Variants in CALB1 observed in about 807,000 individuals in gnomAD.
The protein encoded by CALB1 is calbindin.
In CALB1, 16 loss-of-function variants were observed where a neutral mutation model predicts 46.7. The observed-to-expected ratio is 0.34, with a 90% CI of 0.23 to 0.52. CALB1 has a LOEUF of 0.52. Among genes scored for constraint, CALB1 ranks in the 20% least tolerant of loss-of-function variants. The pLI is 0.95. For missense variants in CALB1, 224 were observed against 300.3 expected (o/e 0.75, Z 1.88); for synonymous variants, 90 against 112.8 (o/e 0.80, Z 1.28).
chr8:90,082,785 C>T lies in CALB1; in HGVS notation c.-88G>A, dbSNP rs1326658289. Reference sequence around the variant, plus strand: ...AGTGAGCAAAAGCTCAGCGTGTGCGCGAGTCAGGGCTGCGGAGGGAGACCT... The same window carrying T: ...AGTGAGCAAAAGCTCAGCGTGTGCGTGAGTCAGGGCTGCGGAGGGAGACCT... On this transcript the variant is annotated 5_prime_UTR_variant, in exon 1 of 11. Coordinates refer to ENST00000265431, the MANE Select transcript of CALB1 (RefSeq NM_004929.4). 3 of 1,299,406 alleles carry T rather than the reference C, an allele frequency of 2.3e-6. No individual in the cohort carries two copies. Among genetic ancestry groups the T allele is most frequent in the Non-Finnish European group, 3.4e-6 (3 of 895,374 alleles). 80.5% of individuals were successfully genotyped at this position (1,299,406 alleles called of 1,614,324 possible).
chr8:90,080,206 T>A (rs926418480), intron 2 of CALB1, among the ~76,000 whole-genome samples: 7 of 151,944 alleles, frequency 4.6e-5, no homozygotes, highest in African/African-American at 1.7e-4. Context: ...TATAGTCTAA[T>A]AATTGGAGCT....
At chr8:90,060,310 G>T (rs768270374) in intron 10 of CALB1, 24 bp from the exon 11 acceptor site, 4 of 1,380,096 alleles carry the variant, frequency 2.9e-6, no homozygotes, top group Non-Finnish European at 1.0e-6. Context: ...AAATGGCATT[G>T]TAATCCAGTT....
chr8:90,073,782 T>C (rs752328112), intron 3 of CALB1, among the ~76,000 whole-genome samples: 30 of 152,314 alleles, frequency 2.0e-4, no homozygotes, highest in Middle Eastern at 3.4e-3. Context: ...CAGTCACCAC[T>C]AGTGAGAACC....
intron 3 of CALB1, 72 bp downstream of exon 3, chr8:90,078,301 T>C: frequency 1.1e-6 from 1 of 908,798 alleles, no homozygotes; most frequent in Non-Finnish European, 1.8e-6. Context: ...ATATCTTACT[T>C]GACTTGAAGA....
At chr8:90,073,917 G>T (rs543501093) in intron 3 of CALB1, among the ~76,000 whole-genome samples, 1 of 152,278 alleles carries the variant, frequency 6.6e-6, no homozygotes, top group Non-Finnish European at 1.5e-5. Flanking sequence ...CTTCATTAGT[G>T]ATACAAATTA....
chr8:90,079,830 T>C (rs1173686293), intron 2 of CALB1, among the ~76,000 whole-genome samples: 4 of 152,004 alleles, frequency 2.6e-5, no homozygotes, highest in Admixed American at 6.6e-5. Flanking sequence ...AGTGAAAATT[T>C]TGAAATTTCA....
intron 3 of CALB1, 49 bp downstream of exon 3, chr8:90,078,324 T>G (rs1215938671): frequency 5.1e-6 from 6 of 1,186,680 alleles, no homozygotes; most frequent in Non-Finnish European, 7.4e-6. Flanking sequence ...ACTTCAAAAT[T>G]GAAACTCATT....
At chr8:90,072,035 A>G (rs193145260) in intron 3 of CALB1, among the ~76,000 whole-genome samples, 132 of 152,302 alleles carry the variant, frequency 8.7e-4, no homozygotes, top group Non-Finnish European at 1.6e-3. Context: ...ACTTAAAAGA[A>G]TTGAGTTATT....
At chr8:90,063,190 T>G in intron 8 of CALB1, 37 bp from the exon 9 acceptor site, 3 of 1,550,668 alleles carry the variant, frequency 1.9e-6, no homozygotes, top group Non-Finnish European at 2.7e-6. Context: ...TAAAATGTTA[T>G]TACTATGTTT....
rs1485869766 is a variant in CALB1 at position 90,059,087 on chromosome 8, T to C, written c.*1086A>G. 1 of 152,272 alleles carries C rather than the reference T, an allele frequency of 6.6e-6. No homozygotes were observed. Among genetic ancestry groups the C allele is most frequent in the Admixed American group, 6.5e-5 (1 of 15,280 alleles). 9.4% of individuals were successfully genotyped at this position (152,272 alleles called of 1,614,324 possible). On this transcript the variant is annotated 3_prime_UTR_variant, in exon 11 of 11. Transcript: ENST00000265431. ...GATTACATTAGCATTTCTTTTCAGATGTTATTTTTTTAAACTCATTTGAAA... is the reference window on the plus strand; with the variant it reads ...GATTACATTAGCATTTCTTTTCAGACGTTATTTTTTTAAACTCATTTGAAA...
chr8:90,060,710 G>A lies in CALB1; in HGVS notation c.601-10C>T. 6.2e-7 allele frequency: 1 copy of A among 1,604,604 alleles called. No homozygotes were observed. Among genetic ancestry groups the A allele is most frequent in the Non-Finnish European group, 8.5e-7 (1 of 1,171,510 alleles). On this transcript the variant is annotated splice_polypyrimidine_tract_variant and intron_variant, in intron 9 of 10. Coordinates refer to ENST00000265431, the MANE Select transcript of CALB1 (RefSeq NM_004929.4). Reference sequence around the variant, plus strand: ...TGTATCCATTGCCGTCCTGGGGGAGGAGAAATAAAATAGTATACAACCAAC... The same window carrying A: ...TGTATCCATTGCCGTCCTGGGGGAGAAGAAATAAAATAGTATACAACCAAC...
intron 6 of CALB1, chr8:90,064,052 T>A (rs1814347011): frequency 6.6e-6 from 1 of 151,828 alleles, no homozygotes; most frequent in Non-Finnish European, 1.5e-5. Flanking sequence ...ATTCACCTTT[T>A]TAGATAGTAG....
chr8:90,078,611 A>G (rs1268110473), intron 2 of CALB1, among the ~76,000 whole-genome samples, 164 bp from the exon 3 acceptor site: 1 of 152,020 alleles, frequency 6.6e-6, no homozygotes, highest in Non-Finnish European at 1.5e-5. Flanking sequence ...ACTGATACAC[A>G]GTATTTATTA....
intron 3 of CALB1, among the ~76,000 whole-genome samples, chr8:90,074,088 A>G (rs1174633359): frequency 6.6e-6 from 1 of 152,186 alleles, no homozygotes; most frequent in Non-Finnish European, 1.5e-5. Flanking sequence ...GGAAATTTGA[A>G]AGGTAAATAA....
chr8:90,070,144 A>G (rs1340647275), intron 3 of CALB1, among the ~76,000 whole-genome samples: 3 of 152,146 alleles, frequency 2.0e-5, no homozygotes, highest in African/African-American at 7.2e-5. Flanking sequence ...CCATTTCTGG[A>G]CTTCAGTACC....
intron 6 of CALB1, among the ~76,000 whole-genome samples, chr8:90,064,665 C>A (rs1313118791): frequency 6.6e-6 from 1 of 151,676 alleles, no homozygotes; most frequent in African/African-American, 2.4e-5. Context: ...TGTCCATTAC[C>A]TAAAAGTTAT....
intron 3 of CALB1, among the ~76,000 whole-genome samples, chr8:90,070,318 G>A (rs535103241): frequency 3.3e-5 from 5 of 152,198 alleles, no homozygotes; most frequent in African/African-American, 9.6e-5. Context: ...CCTAGATCAC[G>A]GGCATGGACG....
chr8:90,066,325 A>G (rs1814395900), intron 5 of CALB1, among the ~76,000 whole-genome samples: 1 of 152,036 alleles, frequency 6.6e-6, no homozygotes, highest in Non-Finnish European at 1.5e-5. Context: ...TATCTTCACA[A>G]GTACTCATTG....
At position 90,073,553 on chromosome 8, in the gene CALB1, C is replaced by T. The variant is rs77494245; in HGVS notation, c.232-4316G>A. Among the ~76,000 whole-genome samples the T allele has an allele frequency of 6.6e-3, 999 of 152,282 alleles. 11 individuals carry two copies. The highest frequency in any genetic ancestry group is 0.022 in the African/African-American group (924 of 41,550). On this transcript the variant is annotated intron_variant, in intron 3 of 10. Transcript: ENST00000265431. ...AGATCTATTCTCTTCACTTCTGTCC[C>T]GGGGTATTGATCCCAAGAGCACTTC...
Sources: gnomAD v4.1 joint callset for allele counts (sites outside exome capture counted in the v4.1 genomes callset) on GRCh38, gnomAD v4.1.1 for gene constraint, MANE v1.5 for transcripts, NCBI Gene and HGNC (gene_info 2026-07-23, HGNC 2026-07-21) for gene names.